The following CPA6 variants were observed in gnomAD, a reference collection of about 807,000 sequenced individuals.
CPA6 encodes the protein carboxypeptidase A6, also known as carboxypeptidase B.
CPA6 carries 58 observed loss-of-function variants against 63.3 expected under a neutral mutation model. The observed-to-expected ratio is 0.92, with a 90% CI of 0.74 to 1.14. CPA6 has a LOEUF of 1.14. CPA6 is among the 50% of genes most tolerant of loss of function. The pLI is 0.00. For synonymous variants in CPA6, 185 were observed against 179.0 expected (o/e 1.03, Z -0.27); for missense variants, 565 against 526.6 (o/e 1.07, Z -0.71).
chr8:67,422,461 T>C lies in CPA6; in HGVS notation c.*43A>G, dbSNP rs1180762241. The C allele has an allele frequency of 3.8e-6, 6 of 1,560,254 alleles. No individual in the cohort carries two copies. The highest frequency in any genetic ancestry group is 4.4e-6 in the Non-Finnish European group (5 of 1,140,148). On this transcript the variant is annotated 3_prime_UTR_variant, in exon 11 of 11. Coordinates refer to ENST00000297770, the MANE Select transcript of CPA6 (RefSeq NM_020361.5). ...ATTTCTATCCAGGGCCAAGTAGGCC[T>C]TGCTCAGAATCCTATGGCAGTTGAC...
intron 1 of CPA6, among the ~76,000 whole-genome samples, chr8:67,676,389 T>C (rs1563388693): frequency 6.6e-6 from 1 of 152,234 alleles, no homozygotes. Context: ...AGTCTTCATC[T>C]TCTTTAAATC....
intron 1 of CPA6, among the ~76,000 whole-genome samples, chr8:67,656,188 G>C (rs1251940600): frequency 6.6e-6 from 1 of 152,138 alleles, no homozygotes; most frequent in Non-Finnish European, 1.5e-5. Context: ...GAAAGGGCTG[G>C]CTGGTTGTCC....
intron 1 of CPA6, among the ~76,000 whole-genome samples, chr8:67,651,430 CCA>C (rs1186051111): frequency 6.6e-6 from 1 of 152,144 alleles, no homozygotes; most frequent in Non-Finnish European, 1.5e-5. Flanking sequence ...CTGCCTCACA[CCA>C]CACGCCATTT....
chr8:67,662,095 G>C (rs536357086), intron 1 of CPA6, among the ~76,000 whole-genome samples: 1 of 152,164 alleles, frequency 6.6e-6, no homozygotes, highest in Non-Finnish European at 1.5e-5. Context: ...TGCAGGTTCT[G>C]GGGGAGGCAG....
At chr8:67,540,719 G>T (rs1297774871) in intron 2 of CPA6, among the ~76,000 whole-genome samples, 1 of 152,248 alleles carries the variant, frequency 6.6e-6, no homozygotes, top group Non-Finnish European at 1.5e-5. Flanking sequence ...GAGGAATCTA[G>T]AGAGGCAGTC....
At chr8:67,633,506 C>T (rs967127155) in intron 1 of CPA6, among the ~76,000 whole-genome samples, 5 of 151,974 alleles carry the variant, frequency 3.3e-5, no homozygotes, top group Admixed American at 2.0e-4. Context: ...ATGGTGAAAC[C>T]TCGTCTCTAT....
rs764510531 is a variant in CPA6, at chr8:67,711,720, C to CACACACACACACAT, written c.116+34293_116+34294insATGTGTGTGTGTGT. On this transcript the variant is annotated intron_variant, in intron 1 of 10. Coordinates refer to ENST00000297770, the MANE Select transcript of CPA6 (RefSeq NM_020361.5). ...ACACACACACACACACACACACACA[C>CACACACACACACAT]ACATCTGAAAGATGGAGGGGCACCT... Among the ~76,000 whole-genome samples the CACACACACACACAT allele has an allele frequency of 5.5e-3, 830 of 151,134 alleles. 13 individuals carry two copies. Among genetic ancestry groups the CACACACACACACAT allele is most frequent in the African/African-American group, 0.012 (494 of 40,818 alleles).
rs148378430 is a variant in CPA6, at chr8:67,738,221, A to G, written c.116+7793T>C. ...AGATCTGGCCCCCTGGCTAAAGGCT[A>G]TATTTCACAGCCTCCCTTGCAGCTA... On this transcript the variant is annotated intron_variant, in intron 1 of 10. Transcript: ENST00000297770. 9.8e-5 allele frequency among the ~76,000 whole-genome samples: 15 copies of G among 152,304 alleles called. No homozygotes were observed. In the East Asian group the frequency reaches 2.5e-3, roughly 26 times the overall value.
At chr8:67,735,870 C>T (rs547453070) in intron 1 of CPA6, among the ~76,000 whole-genome samples, 2 of 152,184 alleles carry the variant, frequency 1.3e-5, no homozygotes, top group South Asian at 2.1e-4. Flanking sequence ...GCGTATGTTA[C>T]GGGACCTCAC....
intron 1 of CPA6, among the ~76,000 whole-genome samples, chr8:67,723,155 A>T (rs1175905095): frequency 2.6e-5 from 4 of 152,062 alleles, no homozygotes; most frequent in African/African-American, 9.7e-5. Flanking sequence ...ATATATCATG[A>T]TTTTTCTATT....
chr8:67,681,548 T>G lies in CPA6; in HGVS notation c.117-57297A>C, dbSNP rs1319744953. Among the ~76,000 whole-genome samples, 16 of 152,244 alleles carry G rather than the reference T, an allele frequency of 1.1e-4. 1 individual carries two copies. The highest frequency in any genetic ancestry group is 1.0e-3 in the Admixed American group (16 of 15,286). ...ATGTTGTCTAGAAGACCTATAGTTTTAAGTTTTGCTTACAATCCATTTTAT... is the reference window on the plus strand; with the variant it reads ...ATGTTGTCTAGAAGACCTATAGTTTGAAGTTTTGCTTACAATCCATTTTAT... On this transcript the variant is annotated intron_variant, in intron 1 of 10. Transcript: ENST00000297770.
chr8:67,552,302 T>C (rs1211466397), intron 2 of CPA6, among the ~76,000 whole-genome samples: 3 of 152,196 alleles, frequency 2.0e-5, no homozygotes, highest in Non-Finnish European at 4.4e-5. Context: ...GCTATTTGCC[T>C]AGTGGAAGTT....
intron 2 of CPA6, among the ~76,000 whole-genome samples, chr8:67,522,648 G>T (rs1812282706): frequency 6.6e-6 from 1 of 152,324 alleles, no homozygotes; most frequent in African/African-American, 2.4e-5. Flanking sequence ...ACTTCTTGGG[G>T]GCTCAGACCT....
At position 67,548,618 on chromosome 8, in the gene CPA6, T is replaced by C. The variant is rs566619109; in HGVS notation, c.193-30571A>G. On this transcript the variant is annotated intron_variant, in intron 2 of 10. Transcript: ENST00000297770. ...AAGGAAGAACAACTATGAGATGATA[T>C]GTGATTAAAATTATATCCAGAATAT... Among the ~76,000 whole-genome samples, 14 of 152,278 alleles carry C rather than the reference T, an allele frequency of 9.2e-5. No homozygotes were observed. In the East Asian group the frequency reaches 1.5e-3, roughly 17 times the overall value.
intron 1 of CPA6, among the ~76,000 whole-genome samples, chr8:67,675,933 C>T (rs1816462449): frequency 6.6e-6 from 1 of 152,180 alleles, no homozygotes; most frequent in Admixed American, 6.5e-5. Flanking sequence ...TGCACTACAG[C>T]CCCAAACCTT....
chr8:67,548,254 CT>C (rs781241041), intron 2 of CPA6, among the ~76,000 whole-genome samples: 60 of 109,734 alleles, frequency 5.5e-4, no homozygotes, highest in Admixed American at 7.6e-4. Context: ...CTTTTCTTTT[CT>C]TTTTTTTTTT....
intron 1 of CPA6, among the ~76,000 whole-genome samples, chr8:67,696,057 C>A (rs2380427): frequency 0.47 from 71,354 of 151,966 alleles, 19,895 homozygotes; most frequent in African/African-American, 0.79. Flanking sequence ...CAGGCCAAAA[C>A]GGGAGTTACA....
At chr8:67,718,867 A>C (rs2129001420) in intron 1 of CPA6, among the ~76,000 whole-genome samples, 1 of 152,082 alleles carries the variant, frequency 6.6e-6, no homozygotes, top group East Asian at 1.9e-4. Flanking sequence ...GGATGGTCTC[A>C]ATCTCCTGAC....
chr8:67,425,535 C>T (rs908075686), intron 10 of CPA6, among the ~76,000 whole-genome samples: 1 of 152,132 alleles, frequency 6.6e-6, no homozygotes, highest in African/African-American at 2.4e-5. Flanking sequence ...CCGCCATGCC[C>T]AGCTAATTTT....
Sources: gnomAD v4.1 joint callset for allele counts (sites outside exome capture counted in the v4.1 genomes callset) on GRCh38, gnomAD v4.1.1 for gene constraint, MANE v1.5 for transcripts, NCBI Gene and HGNC (gene_info 2026-07-23, HGNC 2026-07-21) for gene names.